The following SLC25A21 variants were observed in gnomAD, a reference collection of about 807,000 sequenced individuals.
SLC25A21 encodes the protein mitochondrial 2-oxodicarboxylate carrier.
Under a neutral mutation model 43.8 loss-of-function variants are expected in SLC25A21, and 47 were observed. The ratio of observed to expected loss-of-function variants is 1.07; its 90% CI spans 0.85 to 1.37. The LOEUF is 1.37. SLC25A21 is among the 40% of genes most tolerant of loss of function. The pLI is 0.00. For synonymous variants in SLC25A21, 131 were observed against 121.3 expected (o/e 1.08, Z -0.52); for missense variants, 352 against 350.2 (o/e 1.00, Z -0.04).
intron 3 of SLC25A21, among the ~76,000 whole-genome samples, chr14:36,805,892 A>T (rs1409325262): frequency 6.6e-6 from 1 of 152,104 alleles, no homozygotes; most frequent in Non-Finnish European, 1.5e-5. Flanking sequence ...GAGGCTGGGA[A>T]ATGTAGTGAG....
intron 1 of SLC25A21, among the ~76,000 whole-genome samples, chr14:37,158,468 G>T (rs1963886927): frequency 6.6e-6 from 1 of 152,018 alleles, no homozygotes; most frequent in Non-Finnish European, 1.5e-5. Flanking sequence ...TCAACAGAAT[G>T]AAGGACAAAA....
intron 1 of SLC25A21, among the ~76,000 whole-genome samples, chr14:37,163,217 A>G (rs1963977885): frequency 6.6e-6 from 1 of 151,930 alleles, no homozygotes; most frequent in African/African-American, 2.4e-5. Context: ...GGTGCAGCGC[A>G]CCAGCATGGC....
At chr14:36,738,556 A>T (rs983317370) in intron 3 of SLC25A21, among the ~76,000 whole-genome samples, 1 of 152,234 alleles carries the variant, frequency 6.6e-6, no homozygotes, top group East Asian at 1.9e-4. Context: ...GTTTATGTAC[A>T]GTGAAGGCAT....
At chr14:37,032,888 A>G (rs559599924) in intron 1 of SLC25A21, among the ~76,000 whole-genome samples, 9 of 152,282 alleles carry the variant, frequency 5.9e-5, no homozygotes, top group African/African-American at 1.9e-4. Flanking sequence ...CTAAGTTTCA[A>G]TGTACACAAG....
intron 3 of SLC25A21, among the ~76,000 whole-genome samples, chr14:36,765,784 A>G (rs1028380651): frequency 3.3e-5 from 5 of 152,112 alleles, no homozygotes; most frequent in Admixed American, 6.5e-5. Flanking sequence ...TCTCACTTGC[A>G]TATTATTTAC....
intron 4 of SLC25A21, 33 bp downstream of exon 4, chr14:36,734,474 C>G (rs777190276): frequency 1.3e-6 from 2 of 1,568,752 alleles, no homozygotes; most frequent in South Asian, 1.2e-5. Flanking sequence ...CTGTGCCCTA[C>G]TTTTGCTTGG....
intron 1 of SLC25A21, among the ~76,000 whole-genome samples, chr14:37,012,522 A>T (rs1960755745): frequency 6.6e-6 from 1 of 152,210 alleles, no homozygotes; most frequent in Non-Finnish European, 1.5e-5. Flanking sequence ...GTAGGAAATA[A>T]ATCTCAATTA....
At chr14:36,952,429 C>T (rs1244096152) in intron 1 of SLC25A21, 1 of 152,108 alleles carries the variant, frequency 6.6e-6, no homozygotes, top group Non-Finnish European at 1.5e-5. Flanking sequence ...TTTATTATTT[C>T]TTGTTCTTAA....
intron 3 of SLC25A21, among the ~76,000 whole-genome samples, chr14:36,800,135 G>C (rs1487323914): frequency 1.3e-5 from 2 of 151,926 alleles, no homozygotes; most frequent in African/African-American, 4.8e-5. Flanking sequence ...CTAGTTTTTT[G>C]AACATAATTC....
chr14:36,896,484 C>A (rs1436591980), intron 1 of SLC25A21, among the ~76,000 whole-genome samples: 1 of 152,150 alleles, frequency 6.6e-6, no homozygotes, highest in African/African-American at 2.4e-5. Flanking sequence ...TGGGTCTTGA[C>A]TCTTTATCCA....
At chr14:36,770,399 C>T (rs1886574746) in intron 3 of SLC25A21, among the ~76,000 whole-genome samples, 1 of 152,066 alleles carries the variant, frequency 6.6e-6, no homozygotes, top group Non-Finnish European at 1.5e-5. Flanking sequence ...GAGACAAGGG[C>T]TGAAAAACTG....
At chr14:36,875,239 G>A (rs1890486116) in intron 1 of SLC25A21, among the ~76,000 whole-genome samples, 1 of 152,144 alleles carries the variant, frequency 6.6e-6, no homozygotes. Context: ...AGGGAGGTAG[G>A]GCTGGAGGGG....
chr14:36,843,379 G>C (rs977585543), intron 2 of SLC25A21, among the ~76,000 whole-genome samples: 3 of 152,140 alleles, frequency 2.0e-5, no homozygotes, highest in Non-Finnish European at 4.4e-5. Flanking sequence ...CAATTCAGGG[G>C]GAGGATCCTA....
chr14:36,736,852 T>C (rs1594537884), intron 3 of SLC25A21, among the ~76,000 whole-genome samples: 1 of 152,196 alleles, frequency 6.6e-6, no homozygotes, highest in Non-Finnish European at 1.5e-5. Context: ...TTCCAGGTGG[T>C]AGAACTAGGA....
Position 36,874,569 on chromosome 14 carries a change from GA to G in SLC25A21, c.119+386del, listed in dbSNP as rs1890464542. ...ATGTAAAAAGCTTACTTGAAATTTT[GA>G]AGTCTCATACCAAAATGCTGACTAT... On this transcript the variant is annotated intron_variant, in intron 2 of 9. Coordinates refer to ENST00000331299, the MANE Select transcript of SLC25A21 (RefSeq NM_030631.4). Among the ~76,000 whole-genome samples the G allele has an allele frequency of 2.0e-5, 3 of 152,248 alleles. No individual in the cohort carries two copies. The South Asian group carries it at 6.2e-4, about 32-fold the overall frequency.
At chr14:36,886,904 A>G (rs1162046589) in intron 1 of SLC25A21, among the ~76,000 whole-genome samples, 1 of 152,112 alleles carries the variant, frequency 6.6e-6, no homozygotes, top group Non-Finnish European at 1.5e-5. Flanking sequence ...AAGTGAACCA[A>G]TTTTCAGATG....
chr14:36,919,622 C>T (rs1816299), intron 1 of SLC25A21, among the ~76,000 whole-genome samples: 8,210 of 61,502 alleles, frequency 0.13, 350 homozygotes, highest in Middle Eastern at 0.18. Context: ...TATCTATCTA[C>T]CTATCTATCT....
At chr14:37,046,013 G>A (rs1375557586) in intron 1 of SLC25A21, among the ~76,000 whole-genome samples, 2 of 152,198 alleles carry the variant, frequency 1.3e-5, no homozygotes, top group Non-Finnish European at 2.9e-5. Context: ...TTTTACATAA[G>A]TTAACTTGCA....
chr14:37,127,650 G>A (rs1232292036), intron 1 of SLC25A21, among the ~76,000 whole-genome samples: 3 of 152,118 alleles, frequency 2.0e-5, no homozygotes, highest in Admixed American at 6.5e-5. Flanking sequence ...TTCATTGATC[G>A]AAAGCAAAGT....
Sources: gnomAD v4.1 joint callset for allele counts (sites outside exome capture counted in the v4.1 genomes callset) on GRCh38, gnomAD v4.1.1 for gene constraint, MANE v1.5 for transcripts, NCBI Gene and HGNC (gene_info 2026-07-23, HGNC 2026-07-21) for gene names.